ANTXR2: variants seen among roughly 807,000 people sequenced by gnomAD.
ANTXR2 encodes anthrax toxin receptor 2.
In ANTXR2, 44 loss-of-function variants were observed where a neutral mutation model predicts 73.7. That is an observed-to-expected ratio of 0.60 (90% confidence interval 0.47 to 0.77). The LOEUF is 0.77. Ranked by LOEUF, ANTXR2 falls within the 30% of genes least tolerant of loss-of-function variation. The pLI is 0.00. For synonymous variants in ANTXR2, 217 were observed against 205.9 expected, an observed-to-expected ratio of 1.05 and a Z score of -0.46; for missense variants, 604 against 592.5, an observed-to-expected ratio of 1.02 and a Z score of -0.20.
chr4:80,038,777 T>C (rs1189664840), intron 7 of ANTXR2, among the ~76,000 whole-genome samples: 2 of 152,024 alleles, frequency 1.3e-5, no homozygotes, highest in Non-Finnish European at 2.9e-5. Flanking sequence ...AGTCATAACA[T>C]TGGTATCACA....
At chr4:80,061,298 G>GTGTGTT (rs1734241825) in intron 3 of ANTXR2, among the ~76,000 whole-genome samples, 1 of 151,678 alleles carries the variant, frequency 6.6e-6, no homozygotes, top group African/African-American at 2.4e-5. Context: ...GTGTGTGTGT[G>GTGTGTT]TGTGTGTGTG....
In ANTXR2 at chr4:79,984,867, TC is replaced by T; in HGVS notation, c.1042-5del. 1 of 1,589,584 alleles carries T rather than the reference TC, an allele frequency of 6.3e-7. No homozygotes were observed. Among genetic ancestry groups the T allele is most frequent in the Non-Finnish European group, 8.6e-7 (1 of 1,167,062 alleles). On this transcript the variant is annotated splice_region_variant and splice_polypyrimidine_tract_variant and intron_variant, in intron 12 of 16. Coordinates refer to ENST00000403729, the MANE Select transcript of ANTXR2 (RefSeq NM_058172.6). ...GTGGTGGAGGATCCTTAATAACCTG[TC>T]AAAAAAAATCAAATATAAAAATTTC...
At chr4:80,037,073 C>T (rs1733013703) in intron 7 of ANTXR2, among the ~76,000 whole-genome samples, 1 of 152,120 alleles carries the variant, frequency 6.6e-6, no homozygotes, top group African/African-American at 2.4e-5. Context: ...AACTGAAAAA[C>T]AATGATGAAA....
chr4:79,999,021 A>C (rs1054049647), intron 12 of ANTXR2, among the ~76,000 whole-genome samples: 100 of 152,092 alleles, frequency 6.6e-4, no homozygotes, highest in African/African-American at 2.3e-3. Flanking sequence ...TCTCTCTGTC[A>C]TTCTTGAAAA....
At chr4:79,936,988 C>T (rs1728289985) in intron 16 of ANTXR2, among the ~76,000 whole-genome samples, 1 of 152,074 alleles carries the variant, frequency 6.6e-6, no homozygotes, top group South Asian at 2.1e-4. Context: ...ATTATGTATT[C>T]ATTCAATCAT....
intron 11 of ANTXR2, among the ~76,000 whole-genome samples, chr4:80,012,783 T>C (rs556915942): frequency 3.4e-4 from 52 of 152,326 alleles, no homozygotes; most frequent in Middle Eastern, 3.4e-3. Context: ...AACCACCTGC[T>C]GTTACACTCA....
rs763316293 is a variant in ANTXR2 at position 79,948,139 on chromosome 4, G to A, written c.1428+29482C>T. 2.0e-5 allele frequency among the ~76,000 whole-genome samples: 3 copies of A among 152,166 alleles called. No individual in the cohort carries two copies. In the South Asian group the frequency reaches 6.2e-4, roughly 32 times the overall value. On this transcript the variant is annotated intron_variant, in intron 16 of 16. Coordinates refer to ENST00000403729, the MANE Select transcript of ANTXR2 (RefSeq NM_058172.6). ...GTACATTAGGACTGAGTGCTCAAAG[G>A]CATCTGTTATATATTAAAAACTAAC...
intron 16 of ANTXR2, among the ~76,000 whole-genome samples, chr4:79,963,998 G>C (rs990366916): frequency 6.6e-6 from 1 of 152,126 alleles, no homozygotes; most frequent in Non-Finnish European, 1.5e-5. Flanking sequence ...TGTAAATTTT[G>C]TTTTAGTAAA....
intron 14 of ANTXR2, among the ~76,000 whole-genome samples, chr4:79,982,405 G>A (rs1321605036): frequency 6.6e-6 from 1 of 151,968 alleles, no homozygotes; most frequent in African/African-American, 2.4e-5. Flanking sequence ...CACACATTTT[G>A]GAATGAGATG....
intron 11 of ANTXR2, among the ~76,000 whole-genome samples, chr4:80,012,643 G>C (rs56888951): frequency 0.094 from 14,325 of 152,164 alleles, 769 homozygotes; most frequent in Middle Eastern, 0.23. Flanking sequence ...GTTCAGTCAG[G>C]GGGTGGGGGA....
At position 79,951,591 on chromosome 4, in the gene ANTXR2, CAA is replaced by C. The variant is rs61444171; in HGVS notation, c.1428+26028_1428+26029del. Among the ~76,000 whole-genome samples, 141 of 148,920 alleles carry C rather than the reference CAA, an allele frequency of 9.5e-4. No homozygotes were observed. In the South Asian group the frequency reaches 0.019, roughly 20 times the overall value. On this transcript the variant is annotated intron_variant, in intron 16 of 16. Coordinates refer to ENST00000403729, the MANE Select transcript of ANTXR2 (RefSeq NM_058172.6). ...ACTCTATCTCAAAAAACAACAACAA[CAA>C]AAAAAAAAAAACAACAAAAAGAACA... is the stretch of plus-strand genomic sequence containing the variant.
intron 16 of ANTXR2, among the ~76,000 whole-genome samples, chr4:79,953,959 A>T (rs1212133990): frequency 1.3e-5 from 2 of 152,002 alleles, no homozygotes; most frequent in African/African-American, 4.8e-5. Flanking sequence ...ATTTTTCTTA[A>T]TTCAACACCT....
intron 16 of ANTXR2, among the ~76,000 whole-genome samples, chr4:79,932,974 A>C (rs1288136828): frequency 6.6e-6 from 1 of 152,034 alleles, no homozygotes; most frequent in Non-Finnish European, 1.5e-5. Context: ...TTTTTCTTGG[A>C]AAAAGATATT....
intron 16 of ANTXR2, among the ~76,000 whole-genome samples, chr4:79,949,504 A>G (rs1728627572): frequency 6.6e-6 from 1 of 152,174 alleles, no homozygotes. Context: ...AAAAGTACAA[A>G]TGATAAGTAT....
At chr4:80,002,007 G>T (rs1017536064) in intron 12 of ANTXR2, among the ~76,000 whole-genome samples, 1 of 151,968 alleles carries the variant, frequency 6.6e-6, no homozygotes, top group African/African-American at 2.4e-5. Flanking sequence ...TAGATTCAAT[G>T]CCATCCCCAT....
intron 16 of ANTXR2, among the ~76,000 whole-genome samples, chr4:79,915,862 C>CTCTCTCTCTCTATATATA (rs377006532): frequency 2.4e-5 from 3 of 123,878 alleles, no homozygotes; most frequent in Non-Finnish European, 5.1e-5. Flanking sequence ...CTCTCTCTCT[C>CTCTCTCTCTCTATATATA]TATATATATA....
At chr4:80,003,330 A>G (rs1731144199) in intron 12 of ANTXR2, among the ~76,000 whole-genome samples, 2 of 145,928 alleles carry the variant, frequency 1.4e-5, no homozygotes, top group Admixed American at 7.0e-5. Flanking sequence ...CAAACACCGC[A>G]TATTCTCACT....
At chr4:79,952,190 TATAA>T (rs1728733174) in intron 16 of ANTXR2, among the ~76,000 whole-genome samples, 2 of 150,306 alleles carry the variant, frequency 1.3e-5, no homozygotes. Context: ...GCTGTTTATA[TATAA>T]ATATATATCA....
At chr4:79,916,578 T>TA (rs1727363304) in intron 16 of ANTXR2, among the ~76,000 whole-genome samples, 1 of 151,874 alleles carries the variant, frequency 6.6e-6, no homozygotes, top group Non-Finnish European at 1.5e-5. Flanking sequence ...CTTAAAGCAA[T>TA]AAAAAAACAG....
Sources: gnomAD v4.1 joint callset for allele counts (sites outside exome capture counted in the v4.1 genomes callset) on GRCh38, gnomAD v4.1.1 for gene constraint, MANE v1.5 for transcripts, NCBI Gene and HGNC (gene_info 2026-07-23, HGNC 2026-07-21) for gene names.